The following PRDM11 variants were observed in gnomAD, a reference collection of about 807,000 sequenced individuals.
PRDM11 encodes PR domain-containing protein 11.
PRDM11 carries 20 observed loss-of-function variants against 97.8 expected under a neutral mutation model. The ratio of observed to expected loss-of-function variants is 0.20; its 90% CI spans 0.14 to 0.30. The LOEUF is 0.30. Ranked by LOEUF, PRDM11 falls within the 10% of genes least tolerant of loss-of-function variation. The probability of loss-of-function intolerance (pLI) is 1.00; values close to 1 mark genes in which losing one functional copy is unlikely to be tolerated. For missense variants in PRDM11, 1,139 were observed against 1,555.2 expected (o/e 0.73, Z 4.50); for synonymous variants, 599 against 637.7 (o/e 0.94, Z 0.91).
At chr11:45,137,934 A>G (rs1590369662) in intron 1 of PRDM11, among the ~76,000 whole-genome samples, 1 of 152,094 alleles carries the variant, frequency 6.6e-6, no homozygotes, top group African/African-American at 2.4e-5. Context: ...ACATACACAC[A>G]CGCACACATA....
intron 5 of PRDM11, among the ~76,000 whole-genome samples, chr11:45,212,051 T>G (rs1276709844): frequency 1.3e-5 from 2 of 152,192 alleles, no homozygotes; most frequent in Non-Finnish European, 2.9e-5. Flanking sequence ...GTCATCTTGT[T>G]TATGACTCTT....
chr11:45,195,158 T>C (rs1305653028), intron 4 of PRDM11, among the ~76,000 whole-genome samples: 1 of 152,304 alleles, frequency 6.6e-6, no homozygotes, highest in South Asian at 2.1e-4. Context: ...CCCTTCTCCT[T>C]GTTTGATTGG....
chr11:45,114,467 C>T (rs1852258723), intron 1 of PRDM11, among the ~76,000 whole-genome samples: 1 of 152,020 alleles, frequency 6.6e-6, no homozygotes, highest in African/African-American at 2.4e-5. Flanking sequence ...GTTTCCTTAA[C>T]ACATGTCATT....
chr11:45,226,674 T>G lies in PRDM11; in HGVS notation c.2049T>G (p.Ser683Arg), dbSNP rs758343592. Residue 683 changes from serine (S) to arginine (R), a missense_variant, in exon 8 of 8, where the codon AGT becomes AGG. Coordinates refer to ENST00000683152, the MANE Select transcript of PRDM11 (RefSeq NM_001384648.1). Reference sequence around the variant, plus strand: ...CTGTCTATGTTCAGTACACCAGCAGTGATGGGCCCCCGGCCACAGAGTTCC... The same window carrying G: ...CTGTCTATGTTCAGTACACCAGCAGGGATGGGCCCCCGGCCACAGAGTTCC... ...TVAVYVQYTS[S>R]DGPPATEFLS... The G allele has an allele frequency of 6.5e-7, 1 of 1,533,964 alleles. No individual in the cohort carries two copies. Among genetic ancestry groups the G allele is most frequent in the South Asian group, 1.2e-5 (1 of 83,972 alleles).
At chr11:45,184,858 G>A (rs778889524) in intron 4 of PRDM11, among the ~76,000 whole-genome samples, 10 of 152,056 alleles carry the variant, frequency 6.6e-5, no homozygotes, top group African/African-American at 9.7e-5. Flanking sequence ...GGTGTGGAGC[G>A]CAGAACCTAG....
intron 4 of PRDM11, among the ~76,000 whole-genome samples, chr11:45,196,051 A>G (rs1472529210): frequency 6.6e-6 from 1 of 152,156 alleles, no homozygotes. Context: ...TAGGAGTGGA[A>G]TGGTAACTCA....
At chr11:45,183,585 C>A (rs191438764) in intron 4 of PRDM11, among the ~76,000 whole-genome samples, 5 of 152,078 alleles carry the variant, frequency 3.3e-5, no homozygotes, top group Admixed American at 2.0e-4. Flanking sequence ...AGGGAGCAGA[C>A]GATCTGGTAG....
At chr11:45,152,208 A>G (rs1358122954) in intron 1 of PRDM11, among the ~76,000 whole-genome samples, 1 of 152,150 alleles carries the variant, frequency 6.6e-6, no homozygotes, top group Non-Finnish European at 1.5e-5. Context: ...CTGGGACTAC[A>G]GGCACATACC....
chr11:45,180,458 G>C (rs1418942427), intron 1 of PRDM11, among the ~76,000 whole-genome samples: 1 of 151,904 alleles, frequency 6.6e-6, no homozygotes, highest in African/African-American at 2.4e-5. Context: ...GGCACCCCCC[G>C]GGCCGAGTGC....
intron 5 of PRDM11, among the ~76,000 whole-genome samples, chr11:45,215,011 A>G (rs1429327427): frequency 6.6e-6 from 1 of 152,222 alleles, no homozygotes; most frequent in Non-Finnish European, 1.5e-5. Context: ...GGTGTTGCTA[A>G]GTCAATTTTA....
chr11:45,118,292 AT>A (rs1458000086), intron 1 of PRDM11, among the ~76,000 whole-genome samples: 1 of 152,246 alleles, frequency 6.6e-6, no homozygotes, highest in Non-Finnish European at 1.5e-5. Context: ...TTAGTTAATC[AT>A]AATGTATCAA....
At chr11:45,126,523 G>C (rs1590358451) in intron 1 of PRDM11, among the ~76,000 whole-genome samples, 1 of 152,074 alleles carries the variant, frequency 6.6e-6, no homozygotes, top group Admixed American at 6.6e-5. Flanking sequence ...CTCTTTTACG[G>C]CAGGCCTGGT....
In PRDM11 at chr11:45,226,359, C is replaced by T; in HGVS notation, c.1734C>T (p.His578=). ...KCLQLYKLRM[H]PEKTEEMCRN... is the part of the protein sequence containing the mutation. ...TGCAACTGTACAAGCTCCGCATGCA[C>T]CCGGAGAAGACAGAGGAGATGTGTC... Residue 578 remains histidine (H), a synonymous_variant, in exon 8 of 8, where the codon CAC becomes CAT. Transcript: ENST00000683152. 3 of 1,533,978 alleles carry T rather than the reference C, an allele frequency of 2.0e-6. No homozygotes were observed. Among genetic ancestry groups the T allele is most frequent in the Non-Finnish European group, 2.6e-6 (3 of 1,146,758 alleles).
chr11:45,167,970 A>T (rs1565283455), intron 1 of PRDM11, among the ~76,000 whole-genome samples: 1 of 152,184 alleles, frequency 6.6e-6, no homozygotes, highest in Non-Finnish European at 1.5e-5. Context: ...CCTTAGGCCA[A>T]CTGAGTCAGG....
chr11:45,192,341 T>C (rs1244151712), intron 4 of PRDM11, among the ~76,000 whole-genome samples: 2 of 152,238 alleles, frequency 1.3e-5, no homozygotes, highest in Non-Finnish European at 2.9e-5. Context: ...CAATATCAGC[T>C]TTTCCAGGAG....
At chr11:45,108,807 A>G (rs1852114239) in intron 1 of PRDM11, among the ~76,000 whole-genome samples, 1 of 152,190 alleles carries the variant, frequency 6.6e-6, no homozygotes, top group Non-Finnish European at 1.5e-5. Context: ...ATACCCACTA[A>G]TGCCAACCAA....
chr11:45,161,558 G>A (rs1361668794), intron 1 of PRDM11, among the ~76,000 whole-genome samples: 1 of 152,238 alleles, frequency 6.6e-6, no homozygotes, highest in Non-Finnish European at 1.5e-5. Context: ...GAGGTTCGTT[G>A]TGGCTGCGGA....
rs1245313345 is a variant in PRDM11 at position 45,228,227 on chromosome 11, A to G, written c.*68A>G. The stretch of plus-strand genomic sequence containing the variant: ...TTAATCTATACTCATAAGCTTTGAT[A>G]TATTATATAAATATATATTATATTA... On this transcript the variant is annotated 3_prime_UTR_variant, in exon 8 of 8. Transcript: ENST00000683152. 3.8e-6 allele frequency: 2 copies of G among 531,978 alleles called. No homozygotes were observed. The highest frequency in any genetic ancestry group is 5.0e-6 in the Non-Finnish European group (2 of 399,354). 33.0% of individuals were successfully genotyped at this position (531,978 alleles called of 1,614,324 possible).
At chr11:45,212,965 G>T in intron 5 of PRDM11, 1 of 390,702 alleles carries the variant, frequency 2.6e-6, no homozygotes, top group Non-Finnish European at 5.2e-6. Flanking sequence ...AAGCCCCCCT[G>T]CCAGAGCCCC....
Sources: allele counts gnomAD v4.1 joint callset (sites outside exome capture counted in the v4.1 genomes callset), GRCh38; gene constraint gnomAD v4.1.1; transcripts MANE v1.5; gene names NCBI Gene and HGNC (gene_info 2026-07-23, HGNC 2026-07-21).